Variants in ELF1 observed in about 807,000 individuals in gnomAD.
ELF1 encodes the protein ETS-related transcription factor Elf-1.
In ELF1, 24 loss-of-function variants were observed where a neutral mutation model predicts 59.9. The ratio of observed to expected loss-of-function variants is 0.40; its 90% confidence interval spans 0.29 to 0.56. ELF1 has a LOEUF of 0.56. Among genes scored for constraint, ELF1 ranks in the 20% least tolerant of loss-of-function variants. The pLI is 0.44. For missense variants in ELF1, 627 were observed against 742.2 expected, an observed-to-expected ratio of 0.84 and a Z score of 1.80; for synonymous variants, 248 against 266.2, an observed-to-expected ratio of 0.93 and a Z score of 0.67.
At chr13:41,060,321 C>G (rs1476653054) in intron 1 of ELF1, among the ~76,000 whole-genome samples, 1 of 152,212 alleles carries the variant, frequency 6.6e-6, no homozygotes, top group Non-Finnish European at 1.5e-5. Flanking sequence ...GGGGTCAGCC[C>G]GTCCTGCATA....
intron 1 of ELF1, among the ~76,000 whole-genome samples, chr13:41,055,194 C>G (rs146166433): frequency 2.0e-5 from 3 of 152,160 alleles, no homozygotes; most frequent in South Asian, 2.1e-4. Flanking sequence ...ATCGTTCTTC[C>G]TAAGTATGAG....
At chr13:41,003,278 A>T (rs1874568312) in intron 1 of ELF1, among the ~76,000 whole-genome samples, 1 of 152,230 alleles carries the variant, frequency 6.6e-6, no homozygotes, top group African/African-American at 2.4e-5. Flanking sequence ...CAAAAACCCT[A>T]TAAACTATTT....
chr13:40,955,690 CG>C (rs1871310094), intron 3 of ELF1, among the ~76,000 whole-genome samples: 1 of 119,914 alleles, frequency 8.3e-6, no homozygotes, highest in Non-Finnish European at 1.8e-5. Context: ...AGTCAGCCCC[CG>C]GCCTGGCCAG....
Position 41,019,286 on chromosome 13 carries a change from G to C in ELF1, c.-287C>G. The C allele has an allele frequency of 1.0e-6, 1 of 985,402 alleles. No homozygotes were observed. The highest frequency in any genetic ancestry group is 1.2e-6 in the Non-Finnish European group (1 of 829,914). 61.0% of individuals were successfully genotyped at this position (985,402 alleles called of 1,614,324 possible). ...TTGAAAATAAAAAGCAATCCGACAA[G>C]TTTTAGCTGTTAAAATGGCTCCTGT... On this transcript the variant is annotated 5_prime_UTR_variant, in exon 1 of 9. Transcript: ENST00000239882.
intron 1 of ELF1, among the ~76,000 whole-genome samples, chr13:41,016,280 C>T (rs551895888): frequency 7.2e-4 from 109 of 152,248 alleles, no homozygotes; most frequent in Admixed American, 1.4e-3. Context: ...AGTTAGGGCA[C>T]TCAGAAATTT....
chr13:41,016,842 A>G (rs1234729107), intron 1 of ELF1, among the ~76,000 whole-genome samples: 2 of 139,842 alleles, frequency 1.4e-5, no homozygotes, highest in Non-Finnish European at 3.0e-5. Context: ...TGAACCCGGG[A>G]GACGGAAGTT....
chr13:40,950,778 T>C (rs1190524630), intron 4 of ELF1, among the ~76,000 whole-genome samples: 1 of 152,252 alleles, frequency 6.6e-6, no homozygotes, highest in Non-Finnish European at 1.5e-5. Context: ...TATCTGCTCA[T>C]TTGTATCTCA....
At position 40,933,289 on chromosome 13, in the gene ELF1, A is replaced by G; in HGVS notation, c.*136T>C. The stretch of plus-strand genomic sequence containing the variant: ...GTTGAGTTTTCCTCCCTCATCTAAC[A>G]AAGTCAAAATTAACTCTATTTTTAA... On this transcript the variant is annotated 3_prime_UTR_variant, in exon 9 of 9. Transcript: ENST00000239882. The G allele has an allele frequency of 8.5e-7, 1 of 1,174,934 alleles. No homozygotes were observed. The highest frequency in any genetic ancestry group is 1.2e-6 in the Non-Finnish European group (1 of 863,482). The allele number at this position is 1,174,934 out of a possible 1,614,324, so 72.8% of individuals were successfully genotyped here.
At chr13:41,022,738 G>T (rs1025774483), upstream of ELF1, among the ~76,000 whole-genome samples, 1 of 152,120 alleles carries the variant, frequency 6.6e-6, no homozygotes, top group African/African-American at 2.4e-5. Flanking sequence ...TATTAGCCAG[G>T]TGTGGTGGCA....
intron 1 of ELF1, among the ~76,000 whole-genome samples, chr13:41,025,673 G>C (rs570398261): frequency 1.4e-4 from 22 of 152,314 alleles, no homozygotes; most frequent in African/African-American, 4.8e-4. Flanking sequence ...CTTACTATGT[G>C]CCAGGTACTG....
At chr13:41,035,624 G>T (rs1468806677) in intron 1 of ELF1, among the ~76,000 whole-genome samples, 1 of 151,014 alleles carries the variant, frequency 6.6e-6, no homozygotes. Flanking sequence ...ATAGCTTCTG[G>T]ATTTGACCCA....
intron 8 of ELF1, among the ~76,000 whole-genome samples, 155 bp downstream of exon 8, chr13:40,940,766 A>T (rs950814742): frequency 2.0e-5 from 3 of 152,214 alleles, no homozygotes; most frequent in Non-Finnish European, 4.4e-5. Context: ...GACTGACATA[A>T]TAGTAACTGC....
exon 1 of ELF1, chr13:41,060,955 C>T (rs901962070): frequency 3.7e-5 from 13 of 353,912 alleles, no homozygotes; most frequent in Non-Finnish European, 6.3e-5. Context: ...GCTGCTGCTG[C>T]CCACACGCTC....
intron 1 of ELF1, chr13:40,982,966 A>G: frequency 1.5e-6 from 1 of 659,034 alleles, no homozygotes; most frequent in Non-Finnish European, 1.9e-6. Context: ...TGACCACGTC[A>G]TGGCAAATTA....
At position 40,982,247 on chromosome 13, in the gene ELF1, T is replaced by C; in HGVS notation, c.-193A>G. The C allele has an allele frequency of 7.9e-7, 1 of 1,271,860 alleles. No homozygotes were observed. Among genetic ancestry groups the C allele is most frequent in the South Asian group, 2.8e-5 (1 of 35,574 alleles). 78.8% of individuals were successfully genotyped at this position (1,271,860 alleles called of 1,614,324 possible). On this transcript the variant is annotated 5_prime_UTR_variant, in exon 2 of 9. Coordinates refer to ENST00000239882, the MANE Select transcript of ELF1 (RefSeq NM_172373.4). Reference sequence around the variant, plus strand: ...TGATATTCTAGTCAAATTGAGACAATTTTTCTGAAATTTTTCTTCTCTCAA... The same window carrying C: ...TGATATTCTAGTCAAATTGAGACAACTTTTCTGAAATTTTTCTTCTCTCAA...
intron 1 of ELF1, among the ~76,000 whole-genome samples, chr13:41,047,242 A>G (rs1876885594): frequency 6.6e-6 from 1 of 152,164 alleles, no homozygotes; most frequent in Non-Finnish European, 1.5e-5. Flanking sequence ...TTTAGCTCAG[A>G]GAAGTTTGAT....
intron 1 of ELF1, among the ~76,000 whole-genome samples, chr13:41,060,199 C>G (rs7320923): frequency 5.4e-4 from 82 of 152,246 alleles, no homozygotes; most frequent in African/African-American, 1.8e-3. Flanking sequence ...CGCGTCCCCC[C>G]GGGAGGGCGC....
intron 5 of ELF1, among the ~76,000 whole-genome samples, chr13:40,948,749 C>T (rs527675577): frequency 3.9e-5 from 6 of 152,300 alleles, no homozygotes; most frequent in Middle Eastern, 3.4e-3. Context: ...CTAAAATACT[C>T]CTCTTCAGTT....
chr13:40,981,068 T>A (rs1257526194), intron 2 of ELF1, among the ~76,000 whole-genome samples: 1 of 151,984 alleles, frequency 6.6e-6, no homozygotes, highest in Non-Finnish European at 1.5e-5. Flanking sequence ...AAGAATTTTA[T>A]TATTTGTAGT....
Sources: gnomAD v4.1 joint callset for allele counts (sites outside exome capture counted in the v4.1 genomes callset) on GRCh38, gnomAD v4.1.1 for gene constraint, MANE v1.5 for transcripts, NCBI Gene and HGNC (gene_info 2026-07-23, HGNC 2026-07-21) for gene names.